Variants in MLIP observed in about 807,000 individuals in gnomAD.
MLIP encodes the protein muscular LMNA-interacting protein.
In MLIP, 79 loss-of-function variants were observed where a neutral mutation model predicts 84.8. The observed-to-expected ratio is 0.93, with a 90% confidence interval of 0.78 to 1.12. MLIP has a LOEUF of 1.12. MLIP is among the 50% of genes most tolerant of loss of function. The pLI is 0.00. For missense variants in MLIP, 1,257 were observed against 1,160.6 expected, an observed-to-expected ratio of 1.08 and a Z score of -1.21; for synonymous variants, 504 against 463.0, an observed-to-expected ratio of 1.09 and a Z score of -1.14.
intron 10 of MLIP, 87 bp from the exon 11 acceptor site, chr6:54,202,018 C>T: frequency 1.1e-6 from 1 of 931,136 alleles, no homozygotes; most frequent in Non-Finnish European, 1.5e-6. Flanking sequence ...GTGAGAACAG[C>T]ATTGAATGAC....
intron 11 of MLIP, among the ~76,000 whole-genome samples, chr6:54,205,196 A>G (rs1230900969): frequency 6.6e-6 from 1 of 152,232 alleles, no homozygotes; most frequent in Non-Finnish European, 1.5e-5. Flanking sequence ...AAATAACTTG[A>G]ATAATAAAAT....
intron 1 of MLIP, among the ~76,000 whole-genome samples, chr6:54,104,457 C>A (rs1326411679): frequency 6.6e-6 from 1 of 152,124 alleles, no homozygotes; most frequent in African/African-American, 2.4e-5. Flanking sequence ...ATTAGTACCT[C>A]TTTGAATATA....
intron 1 of MLIP, among the ~76,000 whole-genome samples, chr6:54,090,163 C>T (rs981512219): frequency 7.2e-5 from 11 of 152,040 alleles, no homozygotes; most frequent in African/African-American, 2.7e-4. Flanking sequence ...CGTAAACTGC[C>T]TCTCAAGCAT....
intron 1 of MLIP, among the ~76,000 whole-genome samples, chr6:54,101,171 A>T (rs531083926): frequency 2.2e-4 from 33 of 152,140 alleles, no homozygotes; most frequent in African/African-American, 7.7e-4. Context: ...AATCTTTTGG[A>T]TGATAGTAGA....
At chr6:54,101,134 G>A (rs559584725) in intron 1 of MLIP, among the ~76,000 whole-genome samples, 1 of 152,066 alleles carries the variant, frequency 6.6e-6, no homozygotes, top group Non-Finnish European at 1.5e-5. Flanking sequence ...TTTAGCTATT[G>A]TGGACAAGAG....
In MLIP at chr6:54,111,930, A is replaced by G. The variant is rs543060540; in HGVS notation, c.96+355A>G. On this transcript the variant is annotated intron_variant, in intron 1 of 13. Coordinates refer to ENST00000502396, the MANE Select transcript of MLIP (RefSeq NM_001281747.2). ...AGGCATTACAGCCCAAAACTGAGCAAAGGAGCTGTTAGCCTGCGTGGCATG... is the reference window on the plus strand; with the variant it reads ...AGGCATTACAGCCCAAAACTGAGCAGAGGAGCTGTTAGCCTGCGTGGCATG... Among the ~76,000 whole-genome samples the G allele has an allele frequency of 2.8e-4, 43 of 152,350 alleles. 1 individual carries two copies. Among genetic ancestry groups the G allele is most frequent in the African/African-American group, 9.4e-4 (39 of 41,588 alleles).
rs748659683 is a variant in MLIP at position 54,111,568 on chromosome 6, C to T, written c.89C>T (p.Thr30Ile). 2.8e-5 allele frequency: 43 copies of T among 1,535,900 alleles called. No homozygotes were observed. The highest frequency in any genetic ancestry group is 3.9e-5 in the Admixed American group (2 of 50,980). Residue 30 changes from threonine to isoleucine, a missense_variant, in exon 1 of 14, where the codon ACA becomes ATA. Physicochemically the swap from Thr to Ile is moderately conservative, Grantham distance 89. Coordinates refer to ENST00000502396, the MANE Select transcript of MLIP (RefSeq NM_001281747.2). ...SCILSGSIQT[T>I]PQVSAGGSEA... Reference sequence around the variant, plus strand: ...ATCTTATCAGGGAGCATTCAGACCACACCCCAGGTAAAAGGAAGTCTTTGC... The same window carrying T: ...ATCTTATCAGGGAGCATTCAGACCATACCCCAGGTAAAAGGAAGTCTTTGC...
intron 9 of MLIP, among the ~76,000 whole-genome samples, chr6:54,184,611 C>T (rs750688068): frequency 1.3e-5 from 2 of 152,160 alleles, no homozygotes; most frequent in Non-Finnish European, 2.9e-5. Context: ...AGGAATTTGT[C>T]TTTCAATGGA....
chr6:54,186,698 C>G (rs1777429892), intron 9 of MLIP, among the ~76,000 whole-genome samples: 1 of 152,130 alleles, frequency 6.6e-6, no homozygotes, highest in African/African-American at 2.4e-5. Flanking sequence ...AACTCACTCT[C>G]CATCATGAGA....
intron 5 of MLIP, among the ~76,000 whole-genome samples, chr6:54,154,758 T>C (rs1410947429): frequency 1.3e-5 from 2 of 152,142 alleles, no homozygotes; most frequent in Non-Finnish European, 2.9e-5. Context: ...GAAGAGTATT[T>C]TGTTTTTATG....
chr6:54,053,000 G>A (rs969877381), intron 1 of MLIP, among the ~76,000 whole-genome samples: 6 of 152,114 alleles, frequency 3.9e-5, no homozygotes, highest in African/African-American at 1.4e-4. Flanking sequence ...AAATATGGTG[G>A]TCATTTCAGA....
At chr6:54,160,290 G>C in intron 5 of MLIP, 77 bp from the exon 6 acceptor site, 1 of 1,137,720 alleles carries the variant, frequency 8.8e-7, no homozygotes, top group Non-Finnish European at 1.3e-6. Flanking sequence ...TACATACAAG[G>C]CTTTCTTTGA....
intron 5 of MLIP, among the ~76,000 whole-genome samples, chr6:54,155,512 C>T (rs1773931166): frequency 6.6e-6 from 1 of 152,054 alleles, no homozygotes; most frequent in South Asian, 2.1e-4. Context: ...AAAAAGTTTA[C>T]AGATTCTGTT....
chr6:54,163,087 TGCTTATGTGTTG>T (rs558810557), intron 8 of MLIP, among the ~76,000 whole-genome samples: 253 of 152,162 alleles, frequency 1.7e-3, no homozygotes, highest in African/African-American at 5.7e-3. Flanking sequence ...ATATTGCTGG[TGCTTATGTGTTG>T]GCATTCATTC....
At chr6:54,103,717 A>G (rs1424145579) in intron 1 of MLIP, among the ~76,000 whole-genome samples, 1 of 152,206 alleles carries the variant, frequency 6.6e-6, no homozygotes, top group African/African-American at 2.4e-5. Flanking sequence ...ATAAAGTACA[A>G]ATGAAAAGAA....
chr6:54,094,756 TAA>T (rs1198713195), intron 1 of MLIP, among the ~76,000 whole-genome samples: 2 of 152,124 alleles, frequency 1.3e-5, no homozygotes, highest in Non-Finnish European at 2.9e-5. Context: ...AAATGTGTCT[TAA>T]AGTAAATTAG....
At chr6:54,027,570 C>G (rs1321346961) in intron 1 of MLIP, among the ~76,000 whole-genome samples, 1 of 152,164 alleles carries the variant, frequency 6.6e-6, no homozygotes, top group Non-Finnish European at 1.5e-5. Context: ...CTCTGCATCA[C>G]TGGTGGTTGA....
In MLIP at chr6:54,064,398, A is replaced by G. The variant is rs1417603217; in HGVS notation, c.63+45307A>G. The stretch of plus-strand genomic sequence containing the variant: ...CGATATGCTTATTTAATTTATTGGC[A>G]CAGTAAAGAAGACTATGTGATACAA... On this transcript the variant is annotated intron_variant, in intron 1 of 12. Coordinates refer to the MLIP transcript ENST00000274897. Among the ~76,000 whole-genome samples the G allele has an allele frequency of 2.3e-4, 23 of 99,932 alleles. 9 individuals carry two copies. The highest frequency in any genetic ancestry group is 7.1e-4 in the South Asian group (2 of 2,820). 65.6% of individuals were successfully genotyped at this position (99,932 alleles called of 152,430 possible). A position where few individuals can be genotyped will look rare whatever the true frequency, so the allele number is the denominator to read the frequency against.
At chr6:54,097,712 G>C (rs1339032609) in intron 1 of MLIP, among the ~76,000 whole-genome samples, 1 of 152,056 alleles carries the variant, frequency 6.6e-6, no homozygotes, top group Non-Finnish European at 1.5e-5. Flanking sequence ...GTATGTTGAG[G>C]GTTTTCTATG....
Sources: allele counts gnomAD v4.1 joint callset (sites outside exome capture counted in the v4.1 genomes callset), GRCh38; gene constraint gnomAD v4.1.1; transcripts MANE v1.5; gene names NCBI Gene and HGNC (gene_info 2026-07-23, HGNC 2026-07-21).